The following CATSPERB variants were observed in gnomAD, a reference collection of about 807,000 sequenced individuals.
CATSPERB encodes the protein cation channel sperm-associated auxiliary subunit beta.
Under a neutral mutation model 128.3 loss-of-function variants are expected in CATSPERB, and 93 were observed. The ratio of observed to expected loss-of-function variants is 0.72; its 90% CI spans 0.61 to 0.86. The LOEUF (loss-of-function observed/expected upper bound fraction) is 0.86, where lower values mean the gene tolerates loss of function less well. CATSPERB is among the 40% of genes least tolerant of loss of function. The probability of loss-of-function intolerance (pLI) is 0.00; values close to 1 mark genes in which losing one functional copy is unlikely to be tolerated. For synonymous variants in CATSPERB, 381 were observed against 448.8 expected, an observed-to-expected ratio of 0.85 and a Z score of 1.91; for missense variants, 1,153 against 1,329.5, an observed-to-expected ratio of 0.87 and a Z score of 2.06.
chr14:91,647,297 G>A (rs973388997), intron 15 of CATSPERB, among the ~76,000 whole-genome samples: 1 of 152,136 alleles, frequency 6.6e-6, no homozygotes, highest in African/African-American at 2.4e-5. Context: ...AGCCCTCAGG[G>A]GTTCTGGTGT....
At chr14:91,612,976 G>A (rs1893864142) in intron 20 of CATSPERB, among the ~76,000 whole-genome samples, 1 of 152,090 alleles carries the variant, frequency 6.6e-6, no homozygotes, top group East Asian at 1.9e-4. Context: ...ACCATATACT[G>A]TGTGAATCTT....
At chr14:91,628,193 A>T (rs1021814896) in intron 17 of CATSPERB, among the ~76,000 whole-genome samples, 1 of 152,130 alleles carries the variant, frequency 6.6e-6, no homozygotes, top group African/African-American at 2.4e-5. Context: ...TTTTGCCCAG[A>T]CTAGGCTTGA....
At chr14:91,604,464 T>C in intron 22 of CATSPERB, 1 of 1,530,046 alleles carries the variant, frequency 6.5e-7, no homozygotes, top group Non-Finnish European at 8.9e-7. Flanking sequence ...GCTTGTGGAG[T>C]ACTAAAATAC....
intron 20 of CATSPERB, among the ~76,000 whole-genome samples, chr14:91,615,281 G>A (rs1266837365): frequency 1.3e-5 from 2 of 152,174 alleles, no homozygotes; most frequent in African/African-American, 4.8e-5. Context: ...CTGCACATGC[G>A]AGGGATCCAG....
chr14:91,628,441 G>A (rs1421147744), intron 17 of CATSPERB, among the ~76,000 whole-genome samples: 1 of 152,138 alleles, frequency 6.6e-6, no homozygotes, highest in Non-Finnish European at 1.5e-5. Context: ...ATCATATACT[G>A]ATATGGTTTG....
intron 23 of CATSPERB, among the ~76,000 whole-genome samples, chr14:91,591,426 C>G (rs567913187): frequency 9.2e-5 from 14 of 151,956 alleles, no homozygotes; most frequent in African/African-American, 2.7e-4. Flanking sequence ...GACACAGAAG[C>G]CTTCTCTTAA....
intron 7 of CATSPERB, among the ~76,000 whole-genome samples, 197 bp downstream of exon 7, chr14:91,704,355 G>A (rs1197544247): frequency 6.6e-6 from 1 of 152,142 alleles, no homozygotes; most frequent in African/African-American, 2.4e-5. Context: ...ATGGCAAAAA[G>A]TCACAGTAAG....
intron 26 of CATSPERB, among the ~76,000 whole-genome samples, chr14:91,585,053 G>A (rs1349075880): frequency 6.6e-6 from 1 of 150,796 alleles, no homozygotes; most frequent in East Asian, 1.9e-4. Flanking sequence ...GTCTCATTCT[G>A]TCACCCAGAC....
chr14:91,704,764 C>T (rs1313554620), intron 6 of CATSPERB, 63 bp from the exon 7 acceptor site: 24 of 1,518,572 alleles, frequency 1.6e-5, no homozygotes, highest in Non-Finnish European at 2.0e-5. Context: ...ATGCTACTTT[C>T]CTTTAAAGGT....
At chr14:91,712,712 G>A (rs892988884) in intron 5 of CATSPERB, among the ~76,000 whole-genome samples, 5 of 152,048 alleles carry the variant, frequency 3.3e-5, no homozygotes, top group Non-Finnish European at 4.4e-5. Flanking sequence ...AGAATCAGGG[G>A]AGCCTACTCC....
chr14:91,693,230 A>T lies in CATSPERB; in HGVS notation c.727T>A (p.Ser243Thr), dbSNP rs1895500616. 6 of 1,612,076 alleles carry T rather than the reference A, an allele frequency of 3.7e-6. No homozygotes were observed. In the African/African-American group the frequency reaches 6.7e-5, roughly 18 times the overall value. The change falls in exon 9 of 27, where the codon TCA becomes ACA. Residue 243 changes from serine to threonine, a missense_variant. Physicochemically the swap from Ser to Thr is moderately conservative, Grantham distance 58 (BLOSUM62 1). Transcript: ENST00000256343. ...SQLQEEYEDL[S>T]LVDMVLTNHF... ...TTCGTTAAAACCATATCCACCAATG[A>T]AAGGTCTTCATATTCTAAACGAAGA... is the stretch of plus-strand genomic sequence containing the variant.
intron 17 of CATSPERB, among the ~76,000 whole-genome samples, chr14:91,625,903 T>C (rs942489946): frequency 1.3e-5 from 2 of 152,150 alleles, no homozygotes; most frequent in African/African-American, 4.8e-5. Flanking sequence ...GGCAGGCAGA[T>C]TGGTTGAGCC....
At chr14:91,634,270 A>G (rs1894328824) in intron 17 of CATSPERB, among the ~76,000 whole-genome samples, 1 of 152,228 alleles carries the variant, frequency 6.6e-6, no homozygotes, top group African/African-American at 2.4e-5. Context: ...ATGGATCATC[A>G]TAAAGATCTT....
At chr14:91,622,236 A>G (rs1353717754) in intron 18 of CATSPERB, among the ~76,000 whole-genome samples, 3 of 152,088 alleles carry the variant, frequency 2.0e-5, no homozygotes, top group African/African-American at 7.2e-5. Context: ...TGGAAATACT[A>G]AAAGCCTTAA....
Position 91,580,897 on chromosome 14 carries a change from C to G in CATSPERB, c.3343G>C (p.Glu1115Gln). The change falls in exon 27 of 27, where the codon GAA (glutamate) becomes CAA (glutamine). Residue 1115 changes from glutamate (E) to glutamine (Q), a missense_variant. Coordinates refer to ENST00000256343, the MANE Select transcript of CATSPERB (RefSeq NM_024764.4). ...TTATGATCACCATGTGTTCACTCTT[C>G]AGACTTTGATCTATGAATCAGCTCA... The part of the protein sequence containing the change: ...LSELIHRSKS[E>Q]E 6.2e-7 allele frequency: 1 copy of G among 1,613,572 alleles called. No homozygotes were observed. Among genetic ancestry groups the G allele is most frequent in the Non-Finnish European group, 8.5e-7 (1 of 1,179,486 alleles).
chr14:91,634,669 TAC>T (rs199944406), intron 17 of CATSPERB, among the ~76,000 whole-genome samples: 296 of 15,902 alleles, frequency 0.019, 7 homozygotes, highest in African/African-American at 0.065. Flanking sequence ...TATATATACA[TAC>T]ACACACACAC....
chr14:91,617,941 G>A (rs1893975430), intron 19 of CATSPERB, among the ~76,000 whole-genome samples: 2 of 152,144 alleles, frequency 1.3e-5, no homozygotes, highest in African/African-American at 4.8e-5. Context: ...CCCCAAGAGA[G>A]GGTTCTTGAA....
chr14:91,659,733 G>C (rs1894842261), intron 15 of CATSPERB, 104 bp downstream of exon 15: 3 of 1,124,168 alleles, frequency 2.7e-6, no homozygotes. Flanking sequence ...ACCCCTAATA[G>C]TTTTGAGGTC....
chr14:91,721,495 A>C (rs994489833), intron 4 of CATSPERB, among the ~76,000 whole-genome samples: 6 of 152,204 alleles, frequency 3.9e-5, no homozygotes, highest in African/African-American at 1.4e-4. Flanking sequence ...TCATTTGGGA[A>C]ATTAAAATCA....
Sources: allele counts gnomAD v4.1 joint callset (sites outside exome capture counted in the v4.1 genomes callset), GRCh38; gene constraint gnomAD v4.1.1; transcripts MANE v1.5; gene names NCBI Gene and HGNC (gene_info 2026-07-23, HGNC 2026-07-21).